The following C10orf67 variants were observed in gnomAD, a reference collection of about 807,000 sequenced individuals.
C10orf67 encodes the protein chromosome 10 open reading frame 67.
C10orf67 carries 60 observed loss-of-function variants against 35.6 expected under a neutral mutation model. That is an observed-to-expected ratio of 1.68 (90% CI 1.37 to 2.09). The LOEUF (loss-of-function observed/expected upper bound fraction) is 2.09, where lower values mean the gene tolerates loss of function less well. C10orf67 is among the 30% of genes most tolerant of loss of function. C10orf67 has a pLI of 0.00. For missense variants in C10orf67, 474 were observed against 330.2 expected (o/e 1.44, Z -3.38); for synonymous variants, 167 against 115.8 (o/e 1.44, Z -2.84).
At chr10:23,336,724 G>A (rs2132406166) in intron 1 of C10orf67, among the ~76,000 whole-genome samples, 1 of 152,110 alleles carries the variant, frequency 6.6e-6, no homozygotes, top group African/African-American at 2.4e-5. Flanking sequence ...ATGTTGGCCA[G>A]GCCGGTCTCA....
At chr10:23,295,317 G>A (rs1001954844) in intron 5 of C10orf67, among the ~76,000 whole-genome samples, 8 of 152,178 alleles carry the variant, frequency 5.3e-5, no homozygotes, top group Admixed American at 5.2e-4. Flanking sequence ...CCATCCTCAC[G>A]CTTTCCCCAG....
At chr10:23,227,849 G>C (rs1466416362) in intron 13 of C10orf67, among the ~76,000 whole-genome samples, 1 of 152,098 alleles carries the variant, frequency 6.6e-6, no homozygotes, top group Non-Finnish European at 1.5e-5. Context: ...TTGCTTCAAA[G>C]AGAATAAAAT....
chr10:23,246,015 C>T (rs989622451), intron 12 of C10orf67, among the ~76,000 whole-genome samples: 1 of 152,134 alleles, frequency 6.6e-6, no homozygotes, highest in Admixed American at 6.5e-5. Flanking sequence ...GAATACTGCA[C>T]AGTCATAAAA....
chr10:23,337,284 A>G (rs1845723946), intron 1 of C10orf67, among the ~76,000 whole-genome samples: 1 of 152,232 alleles, frequency 6.6e-6, no homozygotes, highest in Non-Finnish European at 1.5e-5. Context: ...CTGTAACCTC[A>G]GCACTTTGGG....
At chr10:23,253,597 C>T (rs12240815) in intron 10 of C10orf67, among the ~76,000 whole-genome samples, 4,597 of 152,098 alleles carry the variant, frequency 0.03, 220 homozygotes, top group African/African-American at 0.1. Flanking sequence ...TAATTTTCCA[C>T]GTAGAAAGAC....
intron 7 of C10orf67, among the ~76,000 whole-genome samples, chr10:23,283,406 G>A (rs1843429658): frequency 6.6e-6 from 1 of 152,150 alleles, no homozygotes; most frequent in Admixed American, 6.5e-5. Flanking sequence ...CAGTGTCACT[G>A]TTCTTGTTTC....
intron 8 of C10orf67, among the ~76,000 whole-genome samples, chr10:23,277,258 T>A (rs1292715528): frequency 1.3e-5 from 2 of 152,110 alleles, no homozygotes; most frequent in Non-Finnish European, 2.9e-5. Flanking sequence ...TAAAGAAATT[T>A]GCAGAAATAA....
chr10:23,280,736 G>A (rs191678910), intron 8 of C10orf67, among the ~76,000 whole-genome samples: 2 of 152,132 alleles, frequency 1.3e-5, no homozygotes, highest in African/African-American at 2.4e-5. Flanking sequence ...AATAGCACCC[G>A]TTAAAGGCTT....
chr10:23,225,587 G>C (rs1431567772), intron 13 of C10orf67, among the ~76,000 whole-genome samples: 1 of 152,150 alleles, frequency 6.6e-6, no homozygotes, highest in Non-Finnish European at 1.5e-5. Context: ...ATTGGAAAAA[G>C]AGTCAAGACC....
At chr10:23,255,653 T>G (rs571809896) in intron 10 of C10orf67, among the ~76,000 whole-genome samples, 3 of 152,222 alleles carry the variant, frequency 2.0e-5, no homozygotes, top group African/African-American at 7.2e-5. Context: ...GTCACTTCAG[T>G]GATAGGAATG....
intron 10 of C10orf67, among the ~76,000 whole-genome samples, chr10:23,252,704 G>C (rs563863280): frequency 6.6e-6 from 1 of 152,164 alleles, no homozygotes; most frequent in Non-Finnish European, 1.5e-5. Flanking sequence ...AATAAGAATA[G>C]GAACAATTTT....
intron 5 of C10orf67, among the ~76,000 whole-genome samples, chr10:23,300,482 A>C (rs1190441086): frequency 6.6e-6 from 1 of 152,146 alleles, no homozygotes; most frequent in African/African-American, 2.4e-5. Flanking sequence ...CTCCGGGCCT[A>C]AGGTGGACTT....
rs542455912 is a variant in C10orf67 at position 23,244,640 on chromosome 10, C to A, written c.1347-4824G>T. 8.6e-5 allele frequency among the ~76,000 whole-genome samples: 13 copies of A among 151,952 alleles called. No homozygotes were observed. The East Asian group carries it at 2.1e-3, about 25-fold the overall frequency. On this transcript the variant is annotated intron_variant, in intron 12 of 15. Coordinates refer to ENST00000636213, the MANE Select transcript of C10orf67 (RefSeq NM_001371909.1). The stretch of plus-strand genomic sequence containing the variant: ...TAAAATACTTAGGTATAAATTTAAC[C>A]AACAAGGTAAAAGATCTGTATCTTG...
At chr10:23,307,863 C>T (rs988033692) in intron 4 of C10orf67, among the ~76,000 whole-genome samples, 1 of 152,130 alleles carries the variant, frequency 6.6e-6, no homozygotes, top group Non-Finnish European at 1.5e-5. Context: ...AAGGGATCCG[C>T]CTGCCTCAGC....
chr10:23,281,903 T>A (rs1191384866), intron 8 of C10orf67, 110 bp downstream of exon 8: 6 of 428,632 alleles, frequency 1.4e-5, no homozygotes, highest in Non-Finnish European at 2.6e-5. Flanking sequence ...TTGATAAAGA[T>A]GAAATGAGTC....
At chr10:23,330,143 G>T (rs989619722) in intron 2 of C10orf67, among the ~76,000 whole-genome samples, 3 of 152,132 alleles carry the variant, frequency 2.0e-5, no homozygotes, top group African/African-American at 7.2e-5. Context: ...ATTTGTATCA[G>T]ATTTTGGTTC....
chr10:23,319,011 T>C, intron 4 of C10orf67: 1 of 710,668 alleles, frequency 1.4e-6, no homozygotes, highest in Non-Finnish European at 2.6e-6. Flanking sequence ...TTCTTTCCAA[T>C]TTTTGTTTTA....
At chr10:23,273,041 C>A (rs767476368) in intron 8 of C10orf67, among the ~76,000 whole-genome samples, 4 of 152,208 alleles carry the variant, frequency 2.6e-5, no homozygotes, top group Non-Finnish European at 4.4e-5. Flanking sequence ...ATCTTTGCAA[C>A]CTTTCTGCAT....
At chr10:23,215,659 C>T (rs996101913) in intron 15 of C10orf67, among the ~76,000 whole-genome samples, 6 of 151,934 alleles carry the variant, frequency 3.9e-5, no homozygotes, top group African/African-American at 1.5e-4. Flanking sequence ...CGAGTACAGC[C>T]TTTATATCCA....
Sources: allele counts gnomAD v4.1 joint callset (sites outside exome capture counted in the v4.1 genomes callset), GRCh38; gene constraint gnomAD v4.1.1; transcripts MANE v1.5; gene names NCBI Gene and HGNC (gene_info 2026-07-23, HGNC 2026-07-21).